The following RAP1GAP2 variants were observed in gnomAD, a reference collection of about 807,000 sequenced individuals.
RAP1GAP2 encodes rap1 GTPase-activating protein 2.
A neutral mutation model predicts 95.0 loss-of-function variants in RAP1GAP2; 27 were observed. The observed-to-expected ratio is 0.28, with a 90% CI of 0.21 to 0.39. The LOEUF (loss-of-function observed/expected upper bound fraction) is 0.39, where lower values mean the gene tolerates loss of function less well. RAP1GAP2 is among the 10% of genes least tolerant of loss of function. The pLI, the probability that RAP1GAP2 is intolerant of heterozygous loss-of-function variation, is 1.00. For missense variants in RAP1GAP2, 771 were observed against 970.0 expected (o/e 0.79, Z 2.72); for synonymous variants, 373 against 380.9 (o/e 0.98, Z 0.24).
At chr17:2,789,781 G>GAAAA (rs35791780) in intron 1 of RAP1GAP2, among the ~76,000 whole-genome samples, 2 of 71,958 alleles carry the variant, frequency 2.8e-5, no homozygotes, top group African/African-American at 1.2e-4. Context: ...GACTCCATCT[G>GAAAA]AAAAAAAAAA....
rs2042121839 is a variant in RAP1GAP2, at chr17:2,904,397, T to C, written c.81-887T>C. The stretch of plus-strand genomic sequence containing the variant: ...TGTGAGCGCGGCAAACTTGTCGCAG[T>C]CATGTTGCCATGGTGACACAACTCT... On this transcript the variant is annotated intron_variant, in intron 2 of 24. Coordinates refer to ENST00000254695, the MANE Select transcript of RAP1GAP2 (RefSeq NM_015085.5). The surrounding 1 kb of genome is among the most constrained non-coding windows in gnomAD (Gnocchi z 4.7). 6.6e-6 allele frequency among the ~76,000 whole-genome samples: 1 copy of C among 152,174 alleles called. No individual in the cohort carries two copies. The highest frequency in any genetic ancestry group is 2.4e-5 in the African/African-American group (1 of 41,448).
At chr17:2,998,684 G>A (rs532812501) in intron 14 of RAP1GAP2, among the ~76,000 whole-genome samples, 26 of 152,028 alleles carry the variant, frequency 1.7e-4, no homozygotes, top group African/African-American at 3.6e-4. Flanking sequence ...CCATTTGCTC[G>A]CTGTGAGTGT....
chr17:2,921,776 G>T (rs1175996885), intron 3 of RAP1GAP2, among the ~76,000 whole-genome samples: 1 of 142,432 alleles, frequency 7.0e-6, no homozygotes, highest in Non-Finnish European at 1.5e-5. Context: ...GCAGGGCCAT[G>T]TTCCCGCCAG....
At chr17:2,819,474 C>T (rs2070183925) in intron 2 of RAP1GAP2, among the ~76,000 whole-genome samples, 1 of 151,238 alleles carries the variant, frequency 6.6e-6, no homozygotes, top group African/African-American at 2.4e-5. Context: ...TGCCACCACA[C>T]ACTTTTTTTT....
chr17:2,842,633 C>T (rs113640917), intron 2 of RAP1GAP2, among the ~76,000 whole-genome samples: 32 of 152,066 alleles, frequency 2.1e-4, no homozygotes, highest in African/African-American at 5.5e-4. Context: ...GCCTAAAAGC[C>T]GTGGGTGCCC....
chr17:3,036,031 C>A lies in RAP1GAP2; in HGVS notation c.*2670C>A, dbSNP rs1383020361. The stretch of plus-strand genomic sequence containing the variant: ...GGAACTGCCTGACTCACTGAAGAAA[C>A]TACTTTTCAGGCACTGTAGGGTCAC... On this transcript the variant is annotated 3_prime_UTR_variant, in exon 25 of 25. Coordinates refer to ENST00000254695, the MANE Select transcript of RAP1GAP2 (RefSeq NM_015085.5). The A allele has an allele frequency of 6.6e-6, 1 of 152,262 alleles. No homozygotes were observed. Among genetic ancestry groups the A allele is most frequent in the Non-Finnish European group, 1.5e-5 (1 of 68,058 alleles). The allele number at this position is 152,262 out of a possible 1,614,324, so 9.4% of individuals were successfully genotyped here.
At chr17:2,782,738 A>G (rs1212345947) in intron 1 of RAP1GAP2, among the ~76,000 whole-genome samples, 2 of 152,176 alleles carry the variant, frequency 1.3e-5, no homozygotes, top group African/African-American at 4.8e-5. Flanking sequence ...ATCCCTGGCC[A>G]GGCGCGGTGG....
At chr17:2,909,439 G>A (rs750428186) in intron 3 of RAP1GAP2, among the ~76,000 whole-genome samples, 1 of 152,098 alleles carries the variant, frequency 6.6e-6, no homozygotes, top group East Asian at 1.9e-4. Flanking sequence ...GGGTGTAGAC[G>A]GTACTTGTGA....
intron 17 of RAP1GAP2, among the ~76,000 whole-genome samples, chr17:3,013,277 G>T (rs1295437115): frequency 6.6e-6 from 1 of 152,222 alleles, no homozygotes. Context: ...AGCACAGCAG[G>T]GCCCCGCCAA....
intron 3 of RAP1GAP2, among the ~76,000 whole-genome samples, chr17:2,956,352 C>G (rs149950216): frequency 6.6e-3 from 1,001 of 152,306 alleles, no homozygotes; most frequent in Non-Finnish European, 0.01. Flanking sequence ...TTTGGCCTGA[C>G]AGAGGTTGTC....
At chr17:2,789,335 A>T (rs1194577260) in intron 1 of RAP1GAP2, among the ~76,000 whole-genome samples, 1 of 152,188 alleles carries the variant, frequency 6.6e-6, no homozygotes, top group Non-Finnish European at 1.5e-5. Flanking sequence ...GGTGTGAGCC[A>T]CCGTGGCCGG....
At chr17:2,977,574 G>T (rs369055281) in intron 8 of RAP1GAP2, among the ~76,000 whole-genome samples, 7 of 151,432 alleles carry the variant, frequency 4.6e-5, no homozygotes, top group Admixed American at 1.3e-4. Context: ...GTGAAACCTC[G>T]TCTCTACTAA....
chr17:3,009,878 G>C (rs2046459651), intron 17 of RAP1GAP2, among the ~76,000 whole-genome samples: 1 of 152,102 alleles, frequency 6.6e-6, no homozygotes, highest in Non-Finnish European at 1.5e-5. Flanking sequence ...AATGGAGAGT[G>C]TGAGATGCGG....
chr17:2,755,895 G>A (rs1429311643), intron 1 of RAP1GAP2: 5 of 286,918 alleles, frequency 1.7e-5, no homozygotes, highest in Non-Finnish European at 3.3e-5. Context: ...CCGGGTGGGC[G>A]GAGGGGCGCC....
chr17:2,939,645 C>T (rs114792630), intron 3 of RAP1GAP2, among the ~76,000 whole-genome samples: 36 of 152,338 alleles, frequency 2.4e-4, no homozygotes, highest in African/African-American at 7.7e-4. Context: ...TCGTGCCTTC[C>T]GTCCGGCCAC....
chr17:2,785,949 T>G (rs1204497429), intron 1 of RAP1GAP2, among the ~76,000 whole-genome samples: 2 of 146,686 alleles, frequency 1.4e-5, no homozygotes, highest in East Asian at 4.1e-4. Context: ...TTGCCCAGGC[T>G]GGAGTGCAGT....
At chr17:2,923,753 T>C (rs1406857649) in intron 3 of RAP1GAP2, among the ~76,000 whole-genome samples, 2 of 152,074 alleles carry the variant, frequency 1.3e-5, no homozygotes, top group Non-Finnish European at 2.9e-5. Context: ...GTTAAAGCAA[T>C]TGTAAAGTAC....
intron 2 of RAP1GAP2, among the ~76,000 whole-genome samples, chr17:2,831,030 T>A (rs185304439): frequency 4.8e-5 from 1 of 20,654 alleles, no homozygotes; most frequent in Non-Finnish European, 9.6e-5. Context: ...CTCCCTTTCC[T>A]TCCCCTCCCT....
chr17:2,872,144 G>A (rs751873936), intron 2 of RAP1GAP2, among the ~76,000 whole-genome samples: 5 of 145,720 alleles, frequency 3.4e-5, no homozygotes, highest in Non-Finnish European at 6.0e-5. Context: ...AACCCAGAAG[G>A]TGGAGGTTGC....
Sources: allele counts gnomAD v4.1 joint callset (sites outside exome capture counted in the v4.1 genomes callset), GRCh38; gene constraint gnomAD v4.1.1; non-coding constraint Gnocchi (gnomAD v3.1); transcripts MANE v1.5; gene names NCBI Gene and HGNC (gene_info 2026-07-23, HGNC 2026-07-21).